CMAS: variants seen among roughly 807,000 people sequenced by gnomAD.
CMAS encodes cytidine monophosphate N-acetylneuraminic acid synthetase.
Under a neutral mutation model 53.4 loss-of-function variants are expected in CMAS, and 21 were observed. The ratio of observed to expected loss-of-function variants is 0.39; its 90% CI spans 0.28 to 0.57. The LOEUF (loss-of-function observed/expected upper bound fraction) is 0.57, where lower values mean the gene tolerates loss of function less well. Ranked by LOEUF, CMAS falls within the 20% of genes least tolerant of loss-of-function variation. The pLI, the probability that CMAS is intolerant of heterozygous loss-of-function variation, is 0.56. For missense variants in CMAS, 384 were observed against 534.9 expected (o/e 0.72, Z 2.78); for synonymous variants, 189 against 195.2 (o/e 0.97, Z 0.27).
At chr12:22,062,491 A>C in intron 7 of CMAS, 57 bp downstream of exon 7, 2 of 1,543,768 alleles carry the variant, frequency 1.3e-6, no homozygotes, top group African/African-American at 2.8e-5. Context: ...TTATTTACTT[A>C]TTTTTAAAGA....
chr12:22,060,612 C>T, intron 4 of CMAS: 2 of 407,996 alleles, frequency 4.9e-6, no homozygotes, highest in South Asian at 2.7e-5. Flanking sequence ...TATGATTGCA[C>T]CATTGCACTC....
rs200885404 is a variant in CMAS at position 22,065,111 on chromosome 12, T to C, written c.1115-10T>C. On this transcript the variant is annotated splice_polypyrimidine_tract_variant and intron_variant, in intron 7 of 7. Transcript: ENST00000229329. The stretch of plus-strand genomic sequence containing the variant: ...TTAAATGTTTGCTCAGTATTTATTT[T>C]ACTTGATAGGAAATGAAGTGTCTGA... 7.4e-5 allele frequency: 117 copies of C among 1,584,990 alleles called. 1 individual carries two copies. The highest frequency in any genetic ancestry group is 6.7e-4 in the Middle Eastern group (4 of 5,956).
In CMAS at chr12:22,062,381, T is replaced by C; in HGVS notation, c.1061T>C (p.Val354Ala). The change falls in exon 7 of 8, where the codon GTA becomes GCA. Residue 354 changes from valine to alanine, a missense_variant. Coordinates refer to ENST00000229329, the MANE Select transcript of CMAS (RefSeq NM_018686.6). ...EVSVSDKLAV[V>A]DEWRKEMGLC... ...AGTGTATCAGACAAGCTAGCAGTTG[T>C]AGATGAATGGAGAAAAGAAATGGGC... is the stretch of plus-strand genomic sequence containing the variant. 1.9e-6 allele frequency: 3 copies of C among 1,613,772 alleles called. 1 individual carries two copies. The highest frequency in any genetic ancestry group is 2.2e-5 in the South Asian group (2 of 91,058).
Position 22,065,329 on chromosome 12 carries a change from A to G in CMAS, c.*18A>G, listed in dbSNP as rs1950339603. 1 of 1,586,632 alleles carries G rather than the reference A, an allele frequency of 6.3e-7. No individual in the cohort carries two copies. The highest frequency in any genetic ancestry group is 1.3e-5 in the African/African-American group (1 of 74,208). ...AAAAATAGAAATTAGCGTAATATTGAGAAAAAAATGATACAGCCTTCTTCA... is the reference window on the plus strand; with the variant it reads ...AAAAATAGAAATTAGCGTAATATTGGGAAAAAAATGATACAGCCTTCTTCA... On this transcript the variant is annotated 3_prime_UTR_variant, in exon 8 of 8. Coordinates refer to ENST00000229329, the MANE Select transcript of CMAS (RefSeq NM_018686.6).
At chr12:22,055,050 C>T (rs1950259384) in intron 1 of CMAS, 99 bp from the exon 2 acceptor site, 1 of 783,778 alleles carries the variant, frequency 1.3e-6, no homozygotes, top group East Asian at 2.9e-5. Flanking sequence ...AAAAAATATT[C>T]TCACATTATA....
intron 1 of CMAS, among the ~76,000 whole-genome samples, chr12:22,053,373 G>A (rs561366685): frequency 0.01 from 1,480 of 142,816 alleles, 26 homozygotes; most frequent in African/African-American, 0.037. Flanking sequence ...ATATGTGTGT[G>A]TGTATATGTA....
intron 4 of CMAS, among the ~76,000 whole-genome samples, chr12:22,060,315 T>G (rs1950299749): frequency 7.0e-6 from 1 of 141,906 alleles, no homozygotes; most frequent in Non-Finnish European, 1.5e-5. Flanking sequence ...GTTATTTCTT[T>G]TGTGTGAGCT....
At chr12:22,065,076 C>T (rs749356471) in intron 7 of CMAS, 45 bp from the exon 8 acceptor site, 1 of 1,493,554 alleles carries the variant, frequency 6.7e-7, no homozygotes, top group Non-Finnish European at 9.2e-7. Context: ...CTAGAATATT[C>T]TTTGTCTCTT....
At chr12:22,065,077 T>A in intron 7 of CMAS, 44 bp from the exon 8 acceptor site, 1 of 1,502,642 alleles carries the variant, frequency 6.7e-7, no homozygotes, top group Non-Finnish European at 9.1e-7. Flanking sequence ...TAGAATATTC[T>A]TTGTCTCTTT....
At chr12:22,062,114 A>G (rs1950311872) in intron 6 of CMAS, among the ~76,000 whole-genome samples, 167 bp from the exon 7 acceptor site, 1 of 152,194 alleles carries the variant, frequency 6.6e-6, no homozygotes, top group Admixed American at 6.5e-5. Context: ...AAGCATCATG[A>G]TTTTAATTCG....
Position 22,060,333 on chromosome 12 carries a change from T to TAAAAAAAA in CMAS, c.694-479_694-472dup, listed in dbSNP as rs58755366. Among the ~76,000 whole-genome samples the TAAAAAAAA allele has an allele frequency of 3.6e-3, 197 of 54,136 alleles. 30 individuals are homozygous for TAAAAAAAA. The highest frequency in any genetic ancestry group is 0.016 in the East Asian group (23 of 1,422). The allele number at this position is 54,136 out of a possible 152,430, so 35.5% of individuals were successfully genotyped here. A position where few individuals can be genotyped will look rare whatever the true frequency, so the allele number is the denominator to read the frequency against. ...ATTTCTTTTGTGTGAGCTTTCTCCT[T>TAAAAAAAA]AAAAAAAAAAAAAAAAAAAAAAAAA... On this transcript the variant is annotated intron_variant, in intron 4 of 7. Transcript: ENST00000229329.
At chr12:22,051,855 G>T (rs1178875596) in intron 1 of CMAS, among the ~76,000 whole-genome samples, 1 of 121,674 alleles carries the variant, frequency 8.2e-6, no homozygotes, top group African/African-American at 3.3e-5. Flanking sequence ...TTCCTATTTT[G>T]GTATTTTGAA....
At chr12:22,050,483 C>A (rs1468253258) in intron 1 of CMAS, among the ~76,000 whole-genome samples, 1 of 152,176 alleles carries the variant, frequency 6.6e-6, no homozygotes, top group Non-Finnish European at 1.5e-5. Context: ...GGGAAACTCT[C>A]CCATTGCTTG....
intron 3 of CMAS, among the ~76,000 whole-genome samples, chr12:22,057,480 A>G (rs1056815605): frequency 4.6e-5 from 7 of 152,206 alleles, no homozygotes; most frequent in African/African-American, 1.2e-4. Context: ...AAACATTTTC[A>G]TCAATATAAA....
At chr12:22,054,045 G>A (rs893463231) in intron 1 of CMAS, among the ~76,000 whole-genome samples, 1 of 151,480 alleles carries the variant, frequency 6.6e-6, no homozygotes, top group Non-Finnish European at 1.5e-5. Context: ...TCCTGTCTCA[G>A]CCTCCCTAGT....
At chr12:22,051,699 A>G (rs1332707598) in intron 1 of CMAS, among the ~76,000 whole-genome samples, 1 of 152,142 alleles carries the variant, frequency 6.6e-6, no homozygotes, top group East Asian at 1.9e-4. Context: ...TACTGTTTTC[A>G]TATTTTTTTC....
chr12:22,053,970 A>G (rs1348489672), intron 1 of CMAS, among the ~76,000 whole-genome samples: 2 of 145,034 alleles, frequency 1.4e-5, no homozygotes, highest in African/African-American at 5.1e-5. Flanking sequence ...TGTGTCTCTC[A>G]GGCTGGAGTG....
rs1591794271 is a variant in CMAS at position 22,058,720 on chromosome 12, A to G, written c.693+20A>G. 2 of 1,609,856 alleles carry G rather than the reference A, an allele frequency of 1.2e-6. No individual in the cohort carries two copies. The highest frequency in any genetic ancestry group is 2.2e-5 in the East Asian group (1 of 44,724). ...TTGCAGGTTTGTACCTTCATTTTGC[A>G]TAACCCTTTTAAGCGCTTTTGTAGG... is the stretch of plus-strand genomic sequence containing the variant. On this transcript the variant is annotated intron_variant, in intron 4 of 7. Transcript: ENST00000229329.
Position 22,055,281 on chromosome 12 carries a change from T to C in CMAS, c.393T>C (p.Asn131=). The C allele has an allele frequency of 1.2e-6, 2 of 1,602,598 alleles. No homozygotes were observed. Among genetic ancestry groups the C allele is most frequent in the South Asian group, 1.1e-5 (1 of 89,756 alleles). The change falls in exon 2 of 8, where the codon AAT becomes AAC. Residue 131 remains asparagine (N), a synonymous_variant. Coordinates refer to ENST00000229329, the MANE Select transcript of CMAS (RefSeq NM_018686.6). ...TAGATGCCATCATAGAATTTCTTAA[T>C]TATCATAATGGTATGAATTTGATTA... The part of the protein sequence containing the change: ...TSLDAIIEFL[N]YHNEVDIVGN...
Sources: allele counts gnomAD v4.1 joint callset (sites outside exome capture counted in the v4.1 genomes callset), GRCh38; gene constraint gnomAD v4.1.1; transcripts MANE v1.5; gene names NCBI Gene and HGNC (gene_info 2026-07-23, HGNC 2026-07-21).